POU3F3: variants seen among roughly 807,000 people sequenced by gnomAD.
The protein encoded by POU3F3 is POU class 3 homeobox 3.
POU3F3 carries 1 observed loss-of-function variant against 8.6 expected under a neutral mutation model. The observed-to-expected ratio is 0.12, with a 90% CI of 0.04 to 0.55. The LOEUF is 0.55. POU3F3 is among the 20% of genes least tolerant of loss of function. The probability of loss-of-function intolerance (pLI) is 0.91; values close to 1 mark genes in which losing one functional copy is unlikely to be tolerated. For synonymous variants in POU3F3, 418 were observed against 327.4 expected, an observed-to-expected ratio of 1.28 and a Z score of -2.99; for missense variants, 577 against 690.7, an observed-to-expected ratio of 0.84 and a Z score of 1.84.
the POU3F3 span, among the ~76,000 whole-genome samples, chr2:104,893,939 C>A: frequency 3.4e-4 from 50 of 148,076 alleles, no homozygotes; most frequent in Middle Eastern, 3.6e-3. Flanking sequence ...GTACTAAGTA[C>A]AAGTAGGTGC....
At chr2:104,912,696 G>A in the POU3F3 span, among the ~76,000 whole-genome samples, 11 of 150,872 alleles carry the variant, frequency 7.3e-5, no homozygotes, top group South Asian at 2.1e-4. Flanking sequence ...TGCACAACAC[G>A]ACAGGTTGAG....
At position 104,856,079 on chromosome 2, in the gene POU3F3, C is replaced by T. The variant is rs1228412861; in HGVS notation, c.569C>T (p.Ala190Val). ...GGCCACCCTGGGGGCTGGGGGGCGG[C>T]CGCCGCTGCCGCAGCCGCAGCCGCC... ...HQGHPGGWGA[A>V]AAAAAAAAAA... Residue 190 changes from alanine (A) to valine (V), a missense_variant, in exon 1 of 1, where the codon GCC (alanine) becomes GTC (valine). Transcript: ENST00000361360. 9.8e-7 allele frequency: 1 copy of T among 1,015,580 alleles called. No homozygotes were observed. Among genetic ancestry groups the T allele is most frequent in the Non-Finnish European group, 1.2e-6 (1 of 856,956 alleles). The allele number at this position is 1,015,580 out of a possible 1,614,324, so 62.9% of individuals were successfully genotyped here. A position where few individuals can be genotyped will look rare whatever the true frequency, so the allele number is the denominator to read the frequency against.
At chr2:104,873,063 C>G in the POU3F3 span, among the ~76,000 whole-genome samples, 1 of 152,332 alleles carries the variant, frequency 6.6e-6, no homozygotes, top group East Asian at 1.9e-4. Flanking sequence ...TTTCTGGAAA[C>G]ACGCCCACGC....
chr2:104,893,090 CAT>C, the POU3F3 span, among the ~76,000 whole-genome samples: 1 of 152,208 alleles, frequency 6.6e-6, no homozygotes. Context: ...CGATTAGCAA[CAT>C]ATAGATATAT....
the POU3F3 span, among the ~76,000 whole-genome samples, chr2:104,914,929 G>A: frequency 1.8e-4 from 27 of 152,290 alleles, no homozygotes; most frequent in East Asian, 1.9e-3. Context: ...AAAGAGTTGC[G>A]GGGAGCAAGG....
rs1334029793 is a variant in POU3F3, at chr2:104,855,200, C to A, written c.-311C>A. On this transcript the variant is annotated 5_prime_UTR_variant, in exon 1 of 1. Coordinates refer to ENST00000361360, the MANE Select transcript of POU3F3 (RefSeq NM_006236.3). ...GAGAAGCGAGCCCCCCTCCCCAGAG[C>A]GCTGCTCCTGCGGCTGCTGCTGCTG... Among the ~76,000 whole-genome samples, 1 of 151,586 alleles carries A rather than the reference C, an allele frequency of 6.6e-6. No individual in the cohort carries two copies. Among genetic ancestry groups the A allele is most frequent in the Non-Finnish European group, 1.5e-5 (1 of 67,890 alleles).
chr2:104,922,283 G>A, the POU3F3 span, among the ~76,000 whole-genome samples: 5 of 150,358 alleles, frequency 3.3e-5, no homozygotes, highest in Middle Eastern at 6.8e-3. Flanking sequence ...AAACAGGAAA[G>A]TATGGTTCAT....
the POU3F3 span, among the ~76,000 whole-genome samples, chr2:104,878,359 A>G: frequency 1.3e-5 from 2 of 152,244 alleles, no homozygotes; most frequent in African/African-American, 4.8e-5. Context: ...CAGTTTCTCT[A>G]CTATGCTATA....
At chr2:104,910,450 T>G in the POU3F3 span, among the ~76,000 whole-genome samples, 1 of 152,180 alleles carries the variant, frequency 6.6e-6, no homozygotes, top group African/African-American at 2.4e-5. Context: ...TTCTCCTTAT[T>G]CCACCGACAG....
chr2:104,907,600 G>A, the POU3F3 span, among the ~76,000 whole-genome samples: 9 of 152,256 alleles, frequency 5.9e-5, no homozygotes, highest in South Asian at 1.9e-3. Context: ...TGCAGAATAA[G>A]AAGCTACTAT....
the POU3F3 span, among the ~76,000 whole-genome samples, chr2:104,901,821 G>A: frequency 1.3e-5 from 2 of 152,238 alleles, no homozygotes; most frequent in Non-Finnish European, 2.9e-5. Context: ...CCGGAGCCAC[G>A]GCCAGGTTGG....
the POU3F3 span, among the ~76,000 whole-genome samples, chr2:104,886,222 A>G: frequency 1.3e-5 from 2 of 152,130 alleles, no homozygotes; most frequent in Non-Finnish European, 2.9e-5. Context: ...CCAGTAACAC[A>G]GTCATGTGAT....
chr2:104,888,272 G>T, the POU3F3 span, among the ~76,000 whole-genome samples: 1 of 152,192 alleles, frequency 6.6e-6, no homozygotes, highest in Non-Finnish European at 1.5e-5. Flanking sequence ...TATTACGAAG[G>T]TCTAACATAT....
chr2:104,890,415 G>C, the POU3F3 span, among the ~76,000 whole-genome samples: 1 of 152,102 alleles, frequency 6.6e-6, no homozygotes, highest in African/African-American at 2.4e-5. Context: ...GCAGCACAAG[G>C]TTTGTCCTTC....
the POU3F3 span, among the ~76,000 whole-genome samples, chr2:104,871,216 G>T: frequency 6.6e-6 from 1 of 152,182 alleles, no homozygotes; most frequent in Non-Finnish European, 1.5e-5. Flanking sequence ...ACCATCATCA[G>T]TTACACTTTG....
chr2:104,870,606 A>T, the POU3F3 span, among the ~76,000 whole-genome samples: 4 of 152,368 alleles, frequency 2.6e-5, no homozygotes, highest in East Asian at 7.7e-4. Context: ...GACAATGAGC[A>T]GAGATGACCT....
chr2:104,868,213 A>G, the POU3F3 span: 8 of 455,524 alleles, frequency 1.8e-5, no homozygotes, highest in South Asian at 1.2e-4. Flanking sequence ...AGTTGGTGGG[A>G]GAGGCGCTGC....
At chr2:104,886,892 G>A in the POU3F3 span, among the ~76,000 whole-genome samples, 1 of 151,542 alleles carries the variant, frequency 6.6e-6, no homozygotes, top group African/African-American at 2.4e-5. Context: ...TGGGTGACAA[G>A]AGTGAAACTG....
chr2:104,862,251 T>G (rs1350002278), downstream of POU3F3, among the ~76,000 whole-genome samples: 2 of 152,128 alleles, frequency 1.3e-5, no homozygotes, highest in Non-Finnish European at 2.9e-5. Context: ...CCGGTCTTCC[T>G]CAAGGAAGAG....
Sources: allele counts gnomAD v4.1 joint callset (sites outside exome capture counted in the v4.1 genomes callset), GRCh38; gene constraint gnomAD v4.1.1; transcripts MANE v1.5; gene names NCBI Gene and HGNC (gene_info 2026-07-23, HGNC 2026-07-21).